CDH13: variants seen among roughly 807,000 people sequenced by gnomAD.
CDH13 encodes cadherin 13.
In CDH13, 24 loss-of-function variants were observed where a neutral mutation model predicts 63.8. The ratio of observed to expected loss-of-function variants is 0.38; its 90% CI spans 0.27 to 0.53. CDH13 has a LOEUF of 0.53. CDH13 is among the 20% of genes least tolerant of loss of function. CDH13 has a pLI of 0.85. For synonymous variants in CDH13, 503 were observed against 355.3 expected (o/e 1.42, Z -4.67); for missense variants, 1,049 against 903.1 (o/e 1.16, Z -2.07).
At chr16:83,402,566 G>A (rs996152416) in intron 6 of CDH13, among the ~76,000 whole-genome samples, 2 of 152,210 alleles carry the variant, frequency 1.3e-5, no homozygotes, top group African/African-American at 4.8e-5. Flanking sequence ...TCAAAGGATA[G>A]TCAGTTTGGC....
intron 8 of CDH13, among the ~76,000 whole-genome samples, chr16:83,621,969 G>C (rs2150779102): frequency 6.6e-6 from 1 of 152,278 alleles, no homozygotes; most frequent in South Asian, 2.1e-4. Context: ...CAGTGAAGTT[G>C]ATTAGCAACC....
chr16:83,286,029 G>T (rs967558955), intron 5 of CDH13, among the ~76,000 whole-genome samples: 5 of 152,058 alleles, frequency 3.3e-5, no homozygotes, highest in African/African-American at 1.2e-4. Flanking sequence ...AGAAATAATG[G>T]CTCAGCCATC....
intron 6 of CDH13, among the ~76,000 whole-genome samples, chr16:83,406,175 A>T (rs767134434): frequency 6.6e-6 from 1 of 152,224 alleles, no homozygotes; most frequent in African/African-American, 2.4e-5. Flanking sequence ...TGAAAGGGCA[A>T]TTCTGAGATG....
At chr16:82,820,930 C>T (rs1414194930) in intron 1 of CDH13, among the ~76,000 whole-genome samples, 4 of 152,116 alleles carry the variant, frequency 2.6e-5, no homozygotes, top group Admixed American at 6.5e-5. Flanking sequence ...GAGTCTGGCC[C>T]GGTAAGTCTG....
chr16:83,346,732 G>A (rs1024398582), intron 6 of CDH13, among the ~76,000 whole-genome samples: 6 of 152,130 alleles, frequency 3.9e-5, no homozygotes, highest in Non-Finnish European at 8.8e-5. Flanking sequence ...TTTGAAGAAA[G>A]AGTTCTTTTT....
chr16:83,683,744 T>C (rs1322118335), intron 10 of CDH13, among the ~76,000 whole-genome samples: 4 of 151,970 alleles, frequency 2.6e-5, no homozygotes, highest in Non-Finnish European at 4.4e-5. Flanking sequence ...GAAAATACTT[T>C]GGTTGAGCAA....
At chr16:83,024,532 A>T (rs532794729) in intron 2 of CDH13, among the ~76,000 whole-genome samples, 1 of 152,212 alleles carries the variant, frequency 6.6e-6, no homozygotes, top group Admixed American at 6.5e-5. Context: ...CCGAGTTTGG[A>T]TTTGACCTCG....
intron 1 of CDH13, among the ~76,000 whole-genome samples, chr16:82,691,910 AG>A (rs1202220773): frequency 6.6e-6 from 1 of 152,138 alleles, no homozygotes; most frequent in Non-Finnish European, 1.5e-5. Flanking sequence ...GAATCAGAAA[AG>A]CTGCCAGCAA....
intron 6 of CDH13, among the ~76,000 whole-genome samples, chr16:83,367,758 G>T (rs1303841265): frequency 6.6e-6 from 1 of 152,090 alleles, no homozygotes; most frequent in Non-Finnish European, 1.5e-5. Context: ...CCTAGTCTGG[G>T]TTCTTTGTAT....
intron 6 of CDH13, among the ~76,000 whole-genome samples, chr16:83,374,428 AT>A (rs2091425677): frequency 1.3e-5 from 2 of 152,048 alleles, no homozygotes; most frequent in Admixed American, 6.6e-5. Flanking sequence ...AAGAGACCAT[AT>A]TTTTTCTCTG....
chr16:83,551,916 A>G (rs889123392), intron 7 of CDH13, among the ~76,000 whole-genome samples: 6 of 152,130 alleles, frequency 3.9e-5, no homozygotes, highest in African/African-American at 1.4e-4. Flanking sequence ...GGATGGATGA[A>G]TGGATGGATG....
intron 1 of CDH13, among the ~76,000 whole-genome samples, chr16:82,756,139 T>A (rs1250679748): frequency 6.6e-6 from 1 of 152,206 alleles, no homozygotes; most frequent in Non-Finnish European, 1.5e-5. Flanking sequence ...TTTGAGGAAG[T>A]AGCTTGTAAA....
At chr16:82,725,073 CATGGTG>C (rs1567469417) in intron 1 of CDH13, among the ~76,000 whole-genome samples, 1 of 151,864 alleles carries the variant, frequency 6.6e-6, no homozygotes, top group Non-Finnish European at 1.5e-5. Context: ...TAATGATGGT[CATGGTG>C]ATGGTGATGA....
At chr16:83,182,283 T>A (rs1413528084) in intron 4 of CDH13, among the ~76,000 whole-genome samples, 2 of 152,326 alleles carry the variant, frequency 1.3e-5, no homozygotes, top group Admixed American at 6.5e-5. Context: ...GAAAGCTTCC[T>A]CTGATGGCTC....
At chr16:82,949,740 G>T (rs958868247) in intron 2 of CDH13, among the ~76,000 whole-genome samples, 5 of 152,002 alleles carry the variant, frequency 3.3e-5, no homozygotes, top group African/African-American at 1.2e-4. Context: ...ATGTTCTCTA[G>T]TTACCACCTC....
chr16:83,401,670 GA>G (rs1023359153), intron 6 of CDH13, among the ~76,000 whole-genome samples: 2 of 151,702 alleles, frequency 1.3e-5, no homozygotes, highest in Admixed American at 6.6e-5. Context: ...AAAAAAAAGA[GA>G]AAAAAAATAG....
chr16:83,254,957 TTC>T (rs1291881697), intron 5 of CDH13, among the ~76,000 whole-genome samples: 7 of 3,608 alleles, frequency 1.9e-3, no homozygotes, highest in Admixed American at 8.8e-3. Flanking sequence ...TTCTCTTTCT[TTC>T]TTTCTTTCTT....
chr16:82,639,248 A>T (rs1055336559), intron 1 of CDH13: 1 of 578,830 alleles, frequency 1.7e-6, no homozygotes, highest in East Asian at 3.0e-5. Context: ...TAGTCTCTCA[A>T]AGTGGGTCTG....
At chr16:83,161,171 T>G (rs901812191) in intron 4 of CDH13, among the ~76,000 whole-genome samples, 2 of 152,196 alleles carry the variant, frequency 1.3e-5, no homozygotes, top group African/African-American at 2.4e-5. Flanking sequence ...TGGACCACTA[T>G]ACATTCTAGA....
Sources: allele counts gnomAD v4.1 joint callset (sites outside exome capture counted in the v4.1 genomes callset), GRCh38; gene constraint gnomAD v4.1.1; transcripts MANE v1.5; gene names NCBI Gene and HGNC (gene_info 2026-07-23, HGNC 2026-07-21).